ESR2: variants seen among roughly 807,000 people sequenced by gnomAD.
ESR2 encodes the protein estrogen receptor 2.
In ESR2, 36 loss-of-function variants were observed where a neutral mutation model predicts 49.6. That is an observed-to-expected ratio of 0.73 (90% CI 0.56 to 0.96). ESR2 has a LOEUF of 0.96. ESR2 is among the 40% of genes least tolerant of loss of function. The probability of loss-of-function intolerance (pLI) is 0.00; values close to 1 mark genes in which losing one functional copy is unlikely to be tolerated. For synonymous variants in ESR2, 320 were observed against 266.1 expected (o/e 1.20, Z -1.97); for missense variants, 714 against 693.0 (o/e 1.03, Z -0.34).
At chr14:64,271,750 T>C (rs2076450689) in intron 3 of ESR2, among the ~76,000 whole-genome samples, 1 of 152,266 alleles carries the variant, frequency 6.6e-6, no homozygotes, top group African/African-American at 2.4e-5. Context: ...TCATTCATTT[T>C]ATGGCCGAAT....
At chr14:64,288,129 T>G (rs928349210) in intron 1 of ESR2, among the ~76,000 whole-genome samples, 2 of 152,216 alleles carry the variant, frequency 1.3e-5, no homozygotes, top group Admixed American at 6.5e-5. Flanking sequence ...CACACACCCC[T>G]GTATTTGGCC....
chr14:64,285,826 C>CAA (rs10559131), intron 1 of ESR2, among the ~76,000 whole-genome samples: 8 of 100,780 alleles, frequency 7.9e-5, no homozygotes, highest in Non-Finnish European at 1.2e-4. Flanking sequence ...GACTCTGTCT[C>CAA]AAAAAAAAAA....
chr14:64,247,096 G>A (rs1460463607), intron 7 of ESR2, among the ~76,000 whole-genome samples: 2 of 152,148 alleles, frequency 1.3e-5, no homozygotes, highest in Non-Finnish European at 2.9e-5. Context: ...CAGAGCTAAT[G>A]TATGGTCTGT....
chr14:64,242,847 G>GAA lies in ESR2; in HGVS notation c.1225+6697_1225+6698dup, dbSNP rs1457168459. On this transcript the variant is annotated intron_variant, in intron 7 of 8. Coordinates refer to ENST00000341099, the MANE Select transcript of ESR2 (RefSeq NM_001437.3). ...ACCCAAGACTGGGCAATATACAAAA[G>GAA]AAAGGTTTATTGGACTTACAGTTCC... 6.1e-5 allele frequency among the ~76,000 whole-genome samples: 5 copies of GAA among 81,588 alleles called. No homozygotes were observed. The East Asian group carries it at 1.5e-3, about 25-fold the overall frequency. The allele number at this position is 81,588 out of a possible 152,430, so 53.5% of individuals were successfully genotyped here. A position where few individuals can be genotyped will look rare whatever the true frequency, so the allele number is the denominator to read the frequency against.
At chr14:64,283,713 G>A (rs531640594) in intron 1 of ESR2, among the ~76,000 whole-genome samples, 44 of 128,268 alleles carry the variant, frequency 3.4e-4, no homozygotes, top group Non-Finnish European at 5.0e-4. Flanking sequence ...GTGCCACCGC[G>A]CTCCAGCCTG....
intron 7 of ESR2, among the ~76,000 whole-genome samples, chr14:64,238,167 A>T (rs1211241937): frequency 6.6e-6 from 1 of 152,208 alleles, no homozygotes; most frequent in Non-Finnish European, 1.5e-5. Flanking sequence ...GAGAACACGT[A>T]TGTGTCATTG....
chr14:64,242,029 T>A (rs577196476), intron 7 of ESR2, among the ~76,000 whole-genome samples: 48 of 152,200 alleles, frequency 3.2e-4, no homozygotes, highest in Admixed American at 1.0e-3. Flanking sequence ...CTTTAATGGA[T>A]TGAGGAAGTT....
rs529539126 is a variant in ESR2 at position 64,245,004 on chromosome 14, G to C, written c.1225+4542C>G. Among the ~76,000 whole-genome samples the C allele has an allele frequency of 3.5e-4, 53 of 151,928 alleles. No individual in the cohort carries two copies. In the East Asian group the frequency reaches 5.4e-3, roughly 16 times the overall value. On this transcript the variant is annotated intron_variant, in intron 7 of 8. Coordinates refer to ENST00000341099, the MANE Select transcript of ESR2 (RefSeq NM_001437.3). Reference sequence around the variant, plus strand: ...ATATCTGTTTTATATATTCTGTCAGGGTTTTAAATTTTAAGGCGGGGAGGC... The same window carrying C: ...ATATCTGTTTTATATATTCTGTCAGCGTTTTAAATTTTAAGGCGGGGAGGC...
At chr14:64,246,063 C>T (rs1471869363) in intron 7 of ESR2, among the ~76,000 whole-genome samples, 1 of 152,164 alleles carries the variant, frequency 6.6e-6, no homozygotes, top group Admixed American at 6.5e-5. Context: ...GGCTGGTGGG[C>T]CGGATGTGGT....
chr14:64,300,070 G>T (rs1352916073), intron 1 of ESR2, among the ~76,000 whole-genome samples: 1 of 152,180 alleles, frequency 6.6e-6, no homozygotes, highest in Non-Finnish European at 1.5e-5. Flanking sequence ...TTACTAGGAG[G>T]ACTGCTGTCC....
intron 1 of ESR2, among the ~76,000 whole-genome samples, chr14:64,284,994 C>T (rs1322371643): frequency 3.3e-5 from 5 of 151,950 alleles, no homozygotes; most frequent in Admixed American, 2.6e-4. Flanking sequence ...GGATTATAGG[C>T]GCCCGCCACC....
intron 1 of ESR2, among the ~76,000 whole-genome samples, chr14:64,307,616 T>G (rs1391165702): frequency 2.0e-5 from 3 of 149,996 alleles, no homozygotes; most frequent in Non-Finnish European, 4.4e-5. Context: ...CTCACTGCAA[T>G]CTCCGCCTCC....
chr14:64,267,669 G>T (rs1295836166), intron 4 of ESR2, among the ~76,000 whole-genome samples: 1 of 151,288 alleles, frequency 6.6e-6, no homozygotes, highest in South Asian at 2.1e-4. Context: ...GAGGTCAGGA[G>T]ATCGAGACCA....
intron 1 of ESR2, among the ~76,000 whole-genome samples, chr14:64,289,281 G>C (rs2076831579): frequency 6.6e-6 from 1 of 152,162 alleles, no homozygotes; most frequent in Admixed American, 6.5e-5. Context: ...GGGAGGCCAA[G>C]GTGGGCAGAT....
chr14:64,292,515 T>C (rs2076889163), intron 1 of ESR2, among the ~76,000 whole-genome samples: 1 of 152,228 alleles, frequency 6.6e-6, no homozygotes, highest in Non-Finnish European at 1.5e-5. Context: ...TATAAAACAA[T>C]GTGCTAGACA....
chr14:64,280,796 G>A (rs1192206889), intron 2 of ESR2, among the ~76,000 whole-genome samples: 2 of 152,184 alleles, frequency 1.3e-5, no homozygotes, highest in Non-Finnish European at 2.9e-5. Context: ...TATCACCTGA[G>A]GCCAGAAGTT....
chr14:64,325,337 A>G (rs774420841), intron 1 of ESR2, among the ~76,000 whole-genome samples: 1 of 152,188 alleles, frequency 6.6e-6, no homozygotes, highest in Non-Finnish European at 1.5e-5. Flanking sequence ...ATAAGAGGAG[A>G]GAAAATTATT....
chr14:64,282,106 G>A (rs1359743125), intron 2 of ESR2, among the ~76,000 whole-genome samples: 1 of 152,220 alleles, frequency 6.6e-6, no homozygotes, highest in African/African-American at 2.4e-5. Context: ...CACTTTGGGA[G>A]GCCAAGGCAG....
At chr14:64,260,026 T>C (rs1326942680) in intron 5 of ESR2, 11 of 421,880 alleles carry the variant, frequency 2.6e-5, no homozygotes, top group Non-Finnish European at 4.8e-5. Flanking sequence ...GTAGGTTCCC[T>C]GGGTCCATCC....
Sources: allele counts gnomAD v4.1 joint callset (sites outside exome capture counted in the v4.1 genomes callset), GRCh38; gene constraint gnomAD v4.1.1; transcripts MANE v1.5; gene names NCBI Gene and HGNC (gene_info 2026-07-23, HGNC 2026-07-21).